PLEKHM2: variants seen among roughly 807,000 people sequenced by gnomAD.
PLEKHM2 encodes the protein pleckstrin homology and RUN domain containing M2.
PLEKHM2 carries 77 observed loss-of-function variants against 116.3 expected under a neutral mutation model. The observed-to-expected ratio is 0.66, with a 90% confidence interval of 0.55 to 0.80. PLEKHM2 has a LOEUF of 0.80. PLEKHM2 is among the 30% of genes least tolerant of loss of function. PLEKHM2 has a pLI of 0.00. For synonymous variants in PLEKHM2, 562 were observed against 571.0 expected (o/e 0.98, Z 0.22); for missense variants, 1,183 against 1,354.9 (o/e 0.87, Z 1.99).
At position 15,732,495 on chromosome 1, in the gene PLEKHM2, T is replaced by C. The variant is rs778607186; in HGVS notation, c.2771T>C (p.Val924Ala). Residue 924 changes from valine to alanine, a missense_variant, in exon 18 of 20, where the codon GTC becomes GCC. Physicochemically the swap from Val to Ala is moderately conservative, Grantham distance 64. Around this residue, in one of 3 missense-constraint regions of PLEKHM2, gnomAD observed 594 missense variants for 720.1 expected, o/e 0.82. Coordinates refer to ENST00000375799, the MANE Select transcript of PLEKHM2 (RefSeq NM_015164.4). ...GCCAAGCTGGGCGACATCAGCGCCG[T>C]CTCCACCGAGCCGGGCAAGGAGTAC... ...GTAKLGDISA[V>A]STEPGKEYCV... The C allele has an allele frequency of 1.9e-6, 3 of 1,608,108 alleles. No individual in the cohort carries two copies. The highest frequency in any genetic ancestry group is 3.4e-5 in the Admixed American group (2 of 59,260).
chr1:15,732,064 C>T lies in PLEKHM2; in HGVS notation c.2625+16C>T. 6.2e-7 allele frequency: 1 copy of T among 1,605,532 alleles called. No individual in the cohort carries two copies. Among genetic ancestry groups the T allele is most frequent in the Non-Finnish European group, 8.5e-7 (1 of 1,175,130 alleles). Reference sequence around the variant, plus strand: ...GTCCAAAGGGGTGAGCTTCGCCTGCCCCTACCGCTCACCTGGCTTGCCTGA... The same window carrying T: ...GTCCAAAGGGGTGAGCTTCGCCTGCTCCTACCGCTCACCTGGCTTGCCTGA... On this transcript the variant is annotated intron_variant, in intron 17 of 19. Coordinates refer to ENST00000375799, the MANE Select transcript of PLEKHM2 (RefSeq NM_015164.4).
chr1:15,728,208 C>T lies in PLEKHM2; in HGVS notation c.1831-59C>T, dbSNP rs1482290271. On this transcript the variant is annotated intron_variant, in intron 10 of 19. Transcript: ENST00000375799. This position sits in a 1 kb window ranked among gnomAD's most constrained non-coding sequence, Gnocchi z 5.9. ...GGCAAGGGCAAGGCGGGATGGGCCA[C>T]CGCCCCCGCTGGAGCGGCAGGAGCC... is the stretch of plus-strand genomic sequence containing the variant. The T allele has an allele frequency of 6.2e-7, 1 of 1,603,496 alleles. No individual in the cohort carries two copies. Among genetic ancestry groups the T allele is most frequent in the Non-Finnish European group, 8.5e-7 (1 of 1,171,556 alleles).
intron 1 of PLEKHM2, among the ~76,000 whole-genome samples, chr1:15,687,001 T>A (rs1479511695): frequency 6.6e-6 from 1 of 152,062 alleles, no homozygotes; most frequent in East Asian, 1.9e-4. Flanking sequence ...TTGGCCAGGC[T>A]GGTCTTGAAC....
intron 1 of PLEKHM2, among the ~76,000 whole-genome samples, chr1:15,701,158 G>A (rs1240900210): frequency 2.7e-5 from 4 of 145,942 alleles, no homozygotes; most frequent in Non-Finnish European, 6.0e-5. Flanking sequence ...TTAGCTGGGT[G>A]CGGTGGCTCA....
chr1:15,706,477 C>T (rs1641228774), intron 1 of PLEKHM2, among the ~76,000 whole-genome samples: 1 of 144,752 alleles, frequency 6.9e-6, no homozygotes, highest in Non-Finnish European at 1.5e-5. Context: ...ACGATCTCGG[C>T]TCACTGCAAC....
rs1370035289 is a variant in PLEKHM2, at chr1:15,729,937, C to G, written c.2208+8C>G. The G allele has an allele frequency of 6.2e-7, 1 of 1,608,698 alleles. No homozygotes were observed. The highest frequency in any genetic ancestry group is 8.5e-7 in the Non-Finnish European group (1 of 1,178,840). ...CAAGAATCGAAGTGTGAGGTAAGAA[C>G]CTGGGGAGGAAGCTGAGTGCAGCCC... On this transcript the variant is annotated splice_region_variant and intron_variant, in intron 14 of 19. Coordinates refer to ENST00000375799, the MANE Select transcript of PLEKHM2 (RefSeq NM_015164.4). The surrounding 1 kb of genome is among the most constrained non-coding windows in gnomAD (Gnocchi z 4.7).
In PLEKHM2 at chr1:15,725,363, C is replaced by T. The variant is rs1260718176; in HGVS notation, c.759C>T (p.Ser253=). ...DTVSGPRSTA[S]DLTSSKASTR... The stretch of plus-strand genomic sequence containing the variant: ...TCAGTGGTCCCCGCTCCACAGCCTC[C>T]GACCTGACCAGCAGCAAGGCCTCCA... Residue 253 remains serine, a synonymous_variant, in exon 8 of 20, where the codon TCC becomes TCT. Transcript: ENST00000375799. 1.9e-5 allele frequency: 30 copies of T among 1,551,416 alleles called. No individual in the cohort carries two copies. Among genetic ancestry groups the T allele is most frequent in the African/African-American group, 2.7e-5 (2 of 73,054 alleles).
intron 1 of PLEKHM2, among the ~76,000 whole-genome samples, chr1:15,715,332 A>G (rs1361572935): frequency 6.6e-6 from 1 of 152,210 alleles, no homozygotes; most frequent in East Asian, 1.9e-4. Context: ...CCTGCATGAC[A>G]GAGTGAGACC....
chr1:15,730,031 T>A, intron 14 of PLEKHM2, 102 bp downstream of exon 14: 4 of 402,796 alleles, frequency 9.9e-6, no homozygotes, highest in Admixed American at 4.4e-5. Context: ...CTTTGCCATT[T>A]CACAATCGCC....
chr1:15,696,768 C>T (rs1008383259), intron 1 of PLEKHM2, among the ~76,000 whole-genome samples: 2 of 152,228 alleles, frequency 1.3e-5, no homozygotes, highest in African/African-American at 4.8e-5. Flanking sequence ...GAAGAGGAGA[C>T]AGACATCAAA....
At chr1:15,698,588 C>G (rs1641049988) in intron 1 of PLEKHM2, among the ~76,000 whole-genome samples, 1 of 144,646 alleles carries the variant, frequency 6.9e-6, no homozygotes, top group Non-Finnish European at 1.5e-5. Context: ...TGCTCTGATG[C>G]CCAGGCTGGA....
At chr1:15,689,795 T>C (rs781403712) in intron 1 of PLEKHM2, among the ~76,000 whole-genome samples, 1 of 152,208 alleles carries the variant, frequency 6.6e-6, no homozygotes. Context: ...TCGCTCTTGT[T>C]GCCCAGGCTG....
chr1:15,721,481 A>C lies in PLEKHM2; in HGVS notation c.712+93A>C. The C allele has an allele frequency of 1.3e-6, 1 of 742,844 alleles. No homozygotes were observed. Among genetic ancestry groups the C allele is most frequent in the Non-Finnish European group, 2.3e-6 (1 of 442,110 alleles). The allele number at this position is 742,844 out of a possible 1,614,324, so 46.0% of individuals were successfully genotyped here. On this transcript the variant is annotated intron_variant, in intron 7 of 19. Coordinates refer to ENST00000375799, the MANE Select transcript of PLEKHM2 (RefSeq NM_015164.4). The surrounding 1 kb of genome is among the most constrained non-coding windows in gnomAD (Gnocchi z 5.1). ...GTATCAAATCAGCTCCTTATTATTT[A>C]TAATAATATCCATAATCATAATAAA...
intron 1 of PLEKHM2, among the ~76,000 whole-genome samples, chr1:15,692,352 G>T (rs1640905467): frequency 6.6e-6 from 1 of 152,158 alleles, no homozygotes; most frequent in African/African-American, 2.4e-5. Flanking sequence ...AGTGTTAAGG[G>T]TCAGTGTGCC....
chr1:15,687,132 C>T (rs1443821043), intron 1 of PLEKHM2, among the ~76,000 whole-genome samples: 3 of 151,570 alleles, frequency 2.0e-5, no homozygotes, highest in Non-Finnish European at 4.4e-5. Context: ...CCATATTGGT[C>T]AGGCTGTGTT....
chr1:15,708,844 C>T (rs781120548), intron 1 of PLEKHM2, among the ~76,000 whole-genome samples: 8 of 152,132 alleles, frequency 5.3e-5, no homozygotes, highest in Admixed American at 2.0e-4. Flanking sequence ...TACGGGGCTG[C>T]GGTGGTGATT....
chr1:15,721,290 T>C lies in PLEKHM2; in HGVS notation c.653-39T>C. 1 of 1,186,562 alleles carries C rather than the reference T, an allele frequency of 8.4e-7. No homozygotes were observed. Among genetic ancestry groups the C allele is most frequent in the Non-Finnish European group, 1.2e-6 (1 of 835,258 alleles). 73.5% of individuals were successfully genotyped at this position (1,186,562 alleles called of 1,614,324 possible). ...TCCCTCCAGTCATCCTTCCACTGCC[T>C]GTGTTTCTAATCTTCAGTTTTGTCC... On this transcript the variant is annotated intron_variant, in intron 6 of 19. Coordinates refer to ENST00000375799, the MANE Select transcript of PLEKHM2 (RefSeq NM_015164.4). This position sits in a 1 kb window ranked among gnomAD's most constrained non-coding sequence, Gnocchi z 5.1.
chr1:15,721,396 A>C lies in PLEKHM2; in HGVS notation c.712+8A>C. The C allele has an allele frequency of 6.5e-7, 1 of 1,549,568 alleles. No homozygotes were observed. Among genetic ancestry groups the C allele is most frequent in the Non-Finnish European group, 8.8e-7 (1 of 1,139,304 alleles). ...CCAGCACAGACTGGGAAGGTGGGCC[A>C]GAGTCCGCTGTTACCCTCTTTTCCT... On this transcript the variant is annotated splice_region_variant and intron_variant, in intron 7 of 19. Transcript: ENST00000375799. This position sits in a 1 kb window ranked among gnomAD's most constrained non-coding sequence, Gnocchi z 5.1.
At chr1:15,730,773 G>A (rs2068131189) in intron 15 of PLEKHM2, 51 bp downstream of exon 15, 2 of 1,463,254 alleles carry the variant, frequency 1.4e-6, no homozygotes. Flanking sequence ...GGGGTGGCTG[G>A]GCTGTCAGGT....
Sources: allele counts gnomAD v4.1 joint callset (sites outside exome capture counted in the v4.1 genomes callset), GRCh38; gene constraint gnomAD v4.1.1; regional missense constraint gnomAD v4.1.1; non-coding constraint Gnocchi (gnomAD v3.1); transcripts MANE v1.5; gene names NCBI Gene and HGNC (gene_info 2026-07-23, HGNC 2026-07-21).